Variants in CADM2 observed in about 807,000 individuals in gnomAD.
The protein encoded by CADM2 is immunoglobulin superfamily member 4D.
A neutral mutation model predicts 49.8 loss-of-function variants in CADM2; 12 were observed. The observed-to-expected ratio is 0.24, with a 90% CI of 0.15 to 0.39. The LOEUF is 0.39. Ranked by LOEUF, CADM2 falls within the 10% of genes least tolerant of loss-of-function variation. The pLI is 1.00. For synonymous variants in CADM2, 214 were observed against 175.4 expected (o/e 1.22, Z -1.74); for missense variants, 378 against 492.3 (o/e 0.77, Z 2.20).
intron 1 of CADM2, among the ~76,000 whole-genome samples, chr3:85,243,775 T>A (rs1313945208): frequency 6.6e-6 from 1 of 151,902 alleles, no homozygotes; most frequent in East Asian, 1.9e-4. Flanking sequence ...ATTTGGGGAG[T>A]AAATCCACTG....
intron 1 of CADM2, among the ~76,000 whole-genome samples, chr3:85,654,977 A>C (rs2107593027): frequency 6.6e-6 from 1 of 152,324 alleles, no homozygotes; most frequent in Non-Finnish European, 1.5e-5. Flanking sequence ...TTGTTGAAAA[A>C]ATTGGGAATT....
chr3:85,399,203 C>T (rs2034956860), intron 1 of CADM2, among the ~76,000 whole-genome samples: 1 of 152,184 alleles, frequency 6.6e-6, no homozygotes, highest in African/African-American at 2.4e-5. Flanking sequence ...CAGCTTTCTA[C>T]ATATGGCTAG....
chr3:85,237,434 C>T (rs1166885065), intron 1 of CADM2, among the ~76,000 whole-genome samples: 2 of 151,634 alleles, frequency 1.3e-5, no homozygotes, highest in Non-Finnish European at 2.9e-5. Flanking sequence ...CGATGTTTGT[C>T]TCTGTTGTCT....
At chr3:85,027,013 A>G (rs561516616) in intron 1 of CADM2, among the ~76,000 whole-genome samples, 1 of 149,464 alleles carries the variant, frequency 6.7e-6, no homozygotes, top group South Asian at 2.1e-4. Flanking sequence ...CTCTTAGTGC[A>G]TCTTTTTCTA....
At chr3:85,185,663 A>G (rs1458946741) in intron 1 of CADM2, among the ~76,000 whole-genome samples, 12 of 152,090 alleles carry the variant, frequency 7.9e-5, no homozygotes, top group Non-Finnish European at 2.9e-5. Flanking sequence ...AAGAGAACAC[A>G]TTATTCTTGA....
At chr3:85,404,440 A>T (rs1057300500) in intron 1 of CADM2, among the ~76,000 whole-genome samples, 1 of 152,160 alleles carries the variant, frequency 6.6e-6, no homozygotes, top group Admixed American at 6.6e-5. Context: ...CAGAAAAAAA[A>T]GTCAAATAAA....
intron 1 of CADM2, among the ~76,000 whole-genome samples, chr3:85,077,335 G>A (rs1195550184): frequency 6.6e-6 from 1 of 152,054 alleles, no homozygotes; most frequent in Non-Finnish European, 1.5e-5. Context: ...TGATACTTAT[G>A]AGGCAATGCT....
chr3:85,002,269 C>T (rs2107219786), intron 1 of CADM2, among the ~76,000 whole-genome samples: 2 of 152,044 alleles, frequency 1.3e-5, no homozygotes, highest in East Asian at 3.9e-4. Context: ...AAATATTTCT[C>T]CTTCTTTACT....
intron 1 of CADM2, among the ~76,000 whole-genome samples, chr3:85,107,158 A>G (rs964428620): frequency 1.3e-5 from 2 of 152,176 alleles, no homozygotes; most frequent in African/African-American, 4.8e-5. Flanking sequence ...GGCACAAAGG[A>G]TAATATAATA....
chr3:85,500,522 A>ATT (rs34546466), intron 1 of CADM2, among the ~76,000 whole-genome samples: 1 of 145,948 alleles, frequency 6.9e-6, no homozygotes. Context: ...CATAGGTGGA[A>ATT]TTTTTTTTTT....
chr3:85,482,368 A>G (rs2039249166), intron 1 of CADM2, among the ~76,000 whole-genome samples: 1 of 151,786 alleles, frequency 6.6e-6, no homozygotes. Flanking sequence ...ATAGTTTTTG[A>G]GAGTTTGTCA....
At chr3:85,530,946 C>T (rs1026861316) in intron 1 of CADM2, among the ~76,000 whole-genome samples, 2 of 150,016 alleles carry the variant, frequency 1.3e-5, no homozygotes, top group Non-Finnish European at 3.0e-5. Context: ...CAGGGGGTTC[C>T]TTAATATTCC....
chr3:85,204,655 A>G (rs1015906990), intron 1 of CADM2, among the ~76,000 whole-genome samples: 13 of 152,324 alleles, frequency 8.5e-5, no homozygotes, highest in Non-Finnish European at 1.8e-4. Flanking sequence ...AAACAAATTC[A>G]TGGTACCAAA....
At chr3:85,465,054 CAGA>C (rs1336582153) in intron 1 of CADM2, among the ~76,000 whole-genome samples, 4 of 152,080 alleles carry the variant, frequency 2.6e-5, no homozygotes, top group African/African-American at 9.7e-5. Flanking sequence ...GAGGCTGAGG[CAGA>C]AGAATTGCTG....
chr3:85,871,584 T>C (rs887793211), intron 3 of CADM2, among the ~76,000 whole-genome samples: 1 of 152,124 alleles, frequency 6.6e-6, no homozygotes, highest in African/African-American at 2.4e-5. Flanking sequence ...AGAAGAGAAA[T>C]AATGCTAGTG....
At chr3:85,701,483 T>C (rs530693670) in intron 1 of CADM2, among the ~76,000 whole-genome samples, 1 of 152,106 alleles carries the variant, frequency 6.6e-6, no homozygotes, top group African/African-American at 2.4e-5. Context: ...AGGCTGTATT[T>C]TTTTTTTCCG....
chr3:86,002,944 A>G (rs957339212), intron 8 of CADM2, among the ~76,000 whole-genome samples: 1 of 152,212 alleles, frequency 6.6e-6, no homozygotes, highest in Non-Finnish European at 1.5e-5. Flanking sequence ...TGAAAACAAT[A>G]GGCTTAAAGC....
intron 8 of CADM2, among the ~76,000 whole-genome samples, chr3:86,005,383 C>A (rs1446947846): frequency 1.3e-5 from 2 of 151,818 alleles, no homozygotes; most frequent in African/African-American, 4.8e-5. Context: ...AAACCCCATT[C>A]CTATTAAAAA....
rs1720624817 is a variant in CADM2, at chr3:85,931,717, T to C, written c.701-4050T>C. Among the ~76,000 whole-genome samples, 3 of 152,084 alleles carry C rather than the reference T, an allele frequency of 2.0e-5. No individual in the cohort carries two copies. The South Asian group carries it at 6.2e-4, about 31-fold the overall frequency. ...GAATCTCTCCAAAATGGAGCATTTC[T>C]GATAATTTGTATGAAGGCAAAATGA... is the stretch of plus-strand genomic sequence containing the variant. On this transcript the variant is annotated intron_variant, in intron 6 of 9. Transcript: ENST00000383699.
Sources: gnomAD v4.1 joint callset for allele counts (sites outside exome capture counted in the v4.1 genomes callset) on GRCh38, gnomAD v4.1.1 for gene constraint, MANE v1.5 for transcripts, NCBI Gene and HGNC (gene_info 2026-07-23, HGNC 2026-07-21) for gene names.